The following EPOR variants were observed in gnomAD, a reference collection of about 807,000 sequenced individuals.
EPOR encodes the protein erythropoietin receptor.
Under a neutral mutation model 34.3 loss-of-function variants are expected in EPOR, and 20 were observed. The ratio of observed to expected loss-of-function variants is 0.58; its 90% CI spans 0.41 to 0.85. The LOEUF is 0.85. Among genes scored for constraint, EPOR ranks in the 40% least tolerant of loss-of-function variants. The pLI, the probability that EPOR is intolerant of heterozygous loss-of-function variation, is 0.00. For synonymous variants in EPOR, 312 were observed against 299.0 expected (o/e 1.04, Z -0.45); for missense variants, 601 against 672.7 (o/e 0.89, Z 1.18).
chr19:11,379,891 G>A (rs1184423278), intron 6 of EPOR, among the ~76,000 whole-genome samples: 1 of 152,158 alleles, frequency 6.6e-6, no homozygotes, highest in Non-Finnish European at 1.5e-5. Context: ...AGTAGAGGTG[G>A]GGTTTCTCCA....
Position 11,378,379 on chromosome 19 carries a change from G to A in EPOR, c.1132C>T (p.Arg378Trp), listed in dbSNP as rs750630121. The stretch of plus-strand genomic sequence containing the variant: ...GGGAGGTCCTCACTGGGCGGGTTCC[G>A]GGGCAGCAACCATTTGTCCAGCACC... ...YLVLDKWLLPRNPPSEDLPGP... is the reference protein window; with the variant it reads ...YLVLDKWLLPWNPPSEDLPGP... Residue 378 changes from arginine to tryptophan, a missense_variant, in exon 8 of 8, where the codon CGG (arginine) becomes TGG (tryptophan). Physicochemically the swap from Arg to Trp is moderately radical, Grantham distance 101. Coordinates refer to ENST00000222139, the MANE Select transcript of EPOR (RefSeq NM_000121.4). This position sits in a 1 kb window ranked among gnomAD's most constrained non-coding sequence, Gnocchi z 5.3. The A allele has an allele frequency of 3.5e-5, 56 of 1,613,182 alleles. No individual in the cohort carries two copies. Among genetic ancestry groups the A allele is most frequent in the African/African-American group, 8.0e-5 (6 of 74,898 alleles).
At chr19:11,382,885 G>T (rs1968382064) in intron 2 of EPOR, 1 of 1,523,344 alleles carries the variant, frequency 6.6e-7, no homozygotes, top group African/African-American at 1.4e-5. Flanking sequence ...CCTGATGTTT[G>T]GGGTCGCGTT....
chr19:11,384,109 G>A lies in EPOR; in HGVS notation c.99C>T (p.Pro33=), dbSNP rs1489454986. The A allele has an allele frequency of 3.2e-6, 5 of 1,549,268 alleles. No homozygotes were observed. Among genetic ancestry groups the A allele is most frequent in the East Asian group, 2.4e-5 (1 of 40,902 alleles). Residue 33 remains proline, a synonymous_variant, in exon 1 of 8, where the codon CCC becomes CCT. Transcript: ENST00000222139. ...CATCCTTACCTTTGCTCTCGAACTT[G>A]GGGTCCGGGAGGTTAGGCGGGGGCG... ...AWAPPPNLPD[P]KFESKAALLA...
In EPOR at chr19:11,377,946, A is replaced by G; in HGVS notation, c.*38T>C. ...GTCTTGAGTCTGCACTGGTTCTCTG[A>G]GTCATATTGGATCCCTGATCATCTG... On this transcript the variant is annotated 3_prime_UTR_variant, in exon 8 of 8. Coordinates refer to ENST00000222139, the MANE Select transcript of EPOR (RefSeq NM_000121.4). 1.9e-6 allele frequency: 3 copies of G among 1,612,754 alleles called. No homozygotes were observed. In the South Asian group the frequency reaches 3.3e-5, roughly 18 times the overall value.
rs117580409 is a variant in EPOR, at chr19:11,381,879, G to A, written c.428-30C>T. On this transcript the variant is annotated intron_variant, in intron 3 of 7. Transcript: ENST00000222139. The surrounding 1 kb of genome is among the most constrained non-coding windows in gnomAD (Gnocchi z 5.3). ...AGGCATGGGGGTTGGTCAGGTGGGC[G>A]AGGACTGAGACCCTCTCCTCCGACC... 0.015 allele frequency: 23,827 copies of A among 1,614,180 alleles called. 231 individuals carry two copies. Among genetic ancestry groups the A allele is most frequent in the Non-Finnish European group, 0.017 (20,374 of 1,179,990 alleles).
Position 11,378,251 on chromosome 19 carries a change from A to C in EPOR, c.1260T>G (p.Ser420=). 1 of 1,614,162 alleles carries C rather than the reference A, an allele frequency of 6.2e-7. No homozygotes were observed. The highest frequency in any genetic ancestry group is 2.2e-5 in the East Asian group (1 of 44,890). Residue 420 remains serine, a synonymous_variant, in exon 8 of 8, where the codon TCT becomes TCG. Transcript: ENST00000222139. The surrounding 1 kb of genome is among the most constrained non-coding windows in gnomAD (Gnocchi z 5.3). ...LASKPSPEGA[S]AASFEYTILD... The stretch of plus-strand genomic sequence containing the variant: ...GGATAGTGTACTCAAAGCTGGCAGC[A>C]GAGGCTCCCTCTGGGCTGGGCTTCG...
Position 11,383,527 on chromosome 19 carries a change from C to T in EPOR, c.116-295G>A. ...ACCTCGAGCTCGGGACTGCCAGCCC[C>T]GCCCCAGCCTAGGACACGCGCGCGG... On this transcript the variant is annotated intron_variant, in intron 1 of 7. Transcript: ENST00000222139. The surrounding 1 kb of genome is among the most constrained non-coding windows in gnomAD (Gnocchi z 4.9). 1 of 354,694 alleles carries T rather than the reference C, an allele frequency of 2.8e-6. No homozygotes were observed. The highest frequency in any genetic ancestry group is 5.2e-6 in the Non-Finnish European group (1 of 193,062). The allele number at this position is 354,694 out of a possible 1,614,324, so 22.0% of individuals were successfully genotyped here. A position where few individuals can be genotyped will look rare whatever the true frequency, so the allele number is the denominator to read the frequency against.
At position 11,381,271 on chromosome 19, in the gene EPOR, C is replaced by A. The variant is rs1294457482; in HGVS notation, c.586-62G>T. ...CAAAAATAGATGACGTGGGGGCGGG[C>A]CCTGGTGGAACTGAGCCAATCAGGG... On this transcript the variant is annotated intron_variant, in intron 4 of 7. Coordinates refer to ENST00000222139, the MANE Select transcript of EPOR (RefSeq NM_000121.4). The surrounding 1 kb of genome is among the most constrained non-coding windows in gnomAD (Gnocchi z 5.3). 6 of 1,532,106 alleles carry A rather than the reference C, an allele frequency of 3.9e-6. No individual in the cohort carries two copies. In the East Asian group the frequency reaches 1.2e-4, roughly 31 times the overall value. The allele number at this position is 1,532,106 out of a possible 1,614,324, so 94.9% of individuals were successfully genotyped here.
In EPOR at chr19:11,378,231, G is replaced by C; in HGVS notation, c.1280C>G (p.Thr427Ser). 1 of 1,614,146 alleles carries C rather than the reference G, an allele frequency of 6.2e-7. No individual in the cohort carries two copies. The highest frequency in any genetic ancestry group is 8.5e-7 in the Non-Finnish European group (1 of 1,180,022). ...EGASAASFEYTILDPSSQLLR... is the reference protein window; with the variant it reads ...EGASAASFEYSILDPSSQLLR... ...GAGCTGGGAGCTGGGGTCCAGGATAGTGTACTCAAAGCTGGCAGCAGAGGC... is the reference window on the plus strand; with the variant it reads ...GAGCTGGGAGCTGGGGTCCAGGATACTGTACTCAAAGCTGGCAGCAGAGGC... The change falls in exon 8 of 8, where the codon ACT (threonine) becomes AGT (serine). Residue 427 changes from threonine (T) to serine (S), a missense_variant. Transcript: ENST00000222139. This position sits in a 1 kb window ranked among gnomAD's most constrained non-coding sequence, Gnocchi z 5.3.
chr19:11,379,499 T>C (rs1015087346), intron 6 of EPOR, among the ~76,000 whole-genome samples: 4 of 151,124 alleles, frequency 2.6e-5, no homozygotes, highest in Non-Finnish European at 5.9e-5. Flanking sequence ...CACTTGAACC[T>C]GGGAGGCAGA....
chr19:11,382,835 G>C (rs1307760573), intron 2 of EPOR: 8 of 1,469,556 alleles, frequency 5.4e-6, no homozygotes, highest in Non-Finnish European at 6.3e-6. Flanking sequence ...CCCCGACGTA[G>C]TAACGCCTTA....
rs1160818456 is a variant in EPOR, at chr19:11,381,126, A to T, written c.669T>A (p.Arg223=). ...RTRYTFAVRA[R]MAEPSFGGFW... ...AGCCGCCGAAGCTCGGCTCAGCCAT[A>T]CGCGCGCGGACGGCGAAGGTGTAGC... The change falls in exon 5 of 8, where the codon CGT becomes CGA. Residue 223 remains arginine, a synonymous_variant. Coordinates refer to ENST00000222139, the MANE Select transcript of EPOR (RefSeq NM_000121.4). This position sits in a 1 kb window ranked among gnomAD's most constrained non-coding sequence, Gnocchi z 5.3. 4 of 1,575,364 alleles carry T rather than the reference A, an allele frequency of 2.5e-6. No individual in the cohort carries two copies. Among genetic ancestry groups the T allele is most frequent in the Non-Finnish European group, 3.4e-6 (4 of 1,160,430 alleles).
chr19:11,381,567 C>A lies in EPOR; in HGVS notation c.585+125G>T, dbSNP rs1479030023. ...GTGGGCGTGGAACGGTCTTCAGCAC[C>A]AGGGTAATGGGATGTGGGATGTTAC... On this transcript the variant is annotated intron_variant, in intron 4 of 7. Transcript: ENST00000222139. This position sits in a 1 kb window ranked among gnomAD's most constrained non-coding sequence, Gnocchi z 5.3. 3.0e-6 allele frequency: 3 copies of A among 1,010,810 alleles called. No individual in the cohort carries two copies. Among genetic ancestry groups the A allele is most frequent in the African/African-American group, 1.6e-5 (1 of 62,518 alleles). 62.6% of individuals were successfully genotyped at this position (1,010,810 alleles called of 1,614,324 possible).
chr19:11,379,061 C>T (rs1968321695), intron 6 of EPOR, among the ~76,000 whole-genome samples: 1 of 152,042 alleles, frequency 6.6e-6, no homozygotes, highest in Admixed American at 6.6e-5. Context: ...TGGTTTACAC[C>T]AGCACTATAA....
chr19:11,381,899 C>T lies in EPOR; in HGVS notation c.427+31G>A. ...TGGGCGAGGACTGAGACCCTCTCCTCCGACCACTCCTCCATTCCCAGAGCA... is the reference window on the plus strand; with the variant it reads ...TGGGCGAGGACTGAGACCCTCTCCTTCGACCACTCCTCCATTCCCAGAGCA... On this transcript the variant is annotated intron_variant, in intron 3 of 7. Transcript: ENST00000222139. This position sits in a 1 kb window ranked among gnomAD's most constrained non-coding sequence, Gnocchi z 5.3. 2 of 1,614,216 alleles carry T rather than the reference C, an allele frequency of 1.2e-6. No individual in the cohort carries two copies. Among genetic ancestry groups the T allele is most frequent in the Non-Finnish European group, 1.7e-6 (2 of 1,180,018 alleles).
In EPOR at chr19:11,383,690, T is replaced by C. The variant is rs1312865864; in HGVS notation, c.115+403A>G. Among the ~76,000 whole-genome samples, 1 of 151,784 alleles carries C rather than the reference T, an allele frequency of 6.6e-6. No individual in the cohort carries two copies. Among genetic ancestry groups the C allele is most frequent in the African/African-American group, 2.4e-5 (1 of 41,330 alleles). On this transcript the variant is annotated intron_variant, in intron 1 of 7. Transcript: ENST00000222139. The surrounding 1 kb of genome is among the most constrained non-coding windows in gnomAD (Gnocchi z 4.9). ...ATCTGGCGCCCTCACACAAACCGTGTTTACAGTAGCCTGTGGCTTGGCCCC... is the reference window on the plus strand; with the variant it reads ...ATCTGGCGCCCTCACACAAACCGTGCTTACAGTAGCCTGTGGCTTGGCCCC...
In EPOR at chr19:11,378,006, G is replaced by T. The variant is rs200372382; in HGVS notation, c.1505C>A (p.Pro502His). 4.3e-6 allele frequency: 7 copies of T among 1,614,020 alleles called. No individual in the cohort carries two copies. In the African/African-American group the frequency reaches 9.3e-5, roughly 22 times the overall value. The change falls in exon 8 of 8, where the codon CCC (proline) becomes CAC (histidine). Residue 502 changes from proline to histidine, a missense_variant. By Grantham distance (77) the Pro-to-His change is moderately conservative. Transcript: ENST00000222139. The surrounding 1 kb of genome is among the most constrained non-coding windows in gnomAD (Gnocchi z 5.3). Reference sequence around the variant, plus strand: ...GTCCTAAGAGCAAGCCACATAGCTGGGGGGCAGAGGCTCAGCGGCTGGGAT... The same window carrying T: ...GTCCTAAGAGCAAGCCACATAGCTGTGGGGCAGAGGCTCAGCGGCTGGGAT... Reference protein sequence around the residue: ...SLIPAAEPLPPSYVACS With the variant: ...SLIPAAEPLPHSYVACS
rs141262829 is a variant in EPOR at position 11,381,824 on chromosome 19, C to A, written c.453G>T (p.Leu151=). The change falls in exon 4 of 8, where the codon CTG becomes CTT. Residue 151 remains leucine (L), a synonymous_variant. Transcript: ENST00000222139. This position sits in a 1 kb window ranked among gnomAD's most constrained non-coding sequence, Gnocchi z 5.3. Reference sequence around the variant, plus strand: ...CGCTCTCGTCAGCCAACCGCGCCACCAGCCCCACGGGGGCGTCTAGGAGCA... The same window carrying A: ...CGCTCTCGTCAGCCAACCGCGCCACAAGCCCCACGGGGGCGTCTAGGAGCA... ...EVVLLDAPVG[L]VARLADESGH... 8.7e-6 allele frequency: 14 copies of A among 1,613,894 alleles called. No individual in the cohort carries two copies. Among genetic ancestry groups the A allele is most frequent in the African/African-American group, 1.3e-5 (1 of 74,954 alleles).
chr19:11,381,354 C>T lies in EPOR; in HGVS notation c.586-145G>A, dbSNP rs1255843671. ...GACCAATAAGAGTAGGGGGAGGAGCCCAAGAAAGCTCAGGGCCAATCAGAG... is the reference window on the plus strand; with the variant it reads ...GACCAATAAGAGTAGGGGGAGGAGCTCAAGAAAGCTCAGGGCCAATCAGAG... On this transcript the variant is annotated intron_variant, in intron 4 of 7. Coordinates refer to ENST00000222139, the MANE Select transcript of EPOR (RefSeq NM_000121.4). This position sits in a 1 kb window ranked among gnomAD's most constrained non-coding sequence, Gnocchi z 5.3. 1 of 909,746 alleles carries T rather than the reference C, an allele frequency of 1.1e-6. No homozygotes were observed. Among genetic ancestry groups the T allele is most frequent in the Non-Finnish European group, 1.7e-6 (1 of 588,286 alleles). The allele number at this position is 909,746 out of a possible 1,614,324, so 56.4% of individuals were successfully genotyped here. A position where few individuals can be genotyped will look rare whatever the true frequency, so the allele number is the denominator to read the frequency against.
Sources: gnomAD v4.1 joint callset for allele counts (sites outside exome capture counted in the v4.1 genomes callset) on GRCh38, gnomAD v4.1.1 for gene constraint, Gnocchi (gnomAD v3.1) non-coding constraint, MANE v1.5 for transcripts, NCBI Gene and HGNC (gene_info 2026-07-23, HGNC 2026-07-21) for gene names.